Variants in PCDHGB5 observed in about 807,000 individuals in gnomAD.
The protein encoded by PCDHGB5 is protocadherin gamma-B5.
In PCDHGB5, 48 loss-of-function variants were observed where a neutral mutation model predicts 62.9. The ratio of observed to expected loss-of-function variants is 0.76; its 90% CI spans 0.61 to 0.97. PCDHGB5 has a LOEUF of 0.97. Among genes scored for constraint, PCDHGB5 ranks in the 50% least tolerant of loss-of-function variants. The probability of loss-of-function intolerance (pLI) is 0.00; values close to 1 mark genes in which losing one functional copy is unlikely to be tolerated. For synonymous variants in PCDHGB5, 474 were observed against 511.2 expected, an observed-to-expected ratio of 0.93 and a Z score of 0.98; for missense variants, 1,118 against 1,198.6, an observed-to-expected ratio of 0.93 and a Z score of 0.99.
intron 1 of PCDHGB5, among the ~76,000 whole-genome samples, chr5:141,455,913 T>C (rs2098837234): frequency 7.2e-6 from 1 of 138,032 alleles, no homozygotes; most frequent in African/African-American, 2.7e-5. Context: ...ATTTATTTAT[T>C]TTGAGACGGA....
chr5:141,497,218 GA>G (rs1172998466), intron 2 of PCDHGB5, among the ~76,000 whole-genome samples: 1 of 149,792 alleles, frequency 6.7e-6, no homozygotes, highest in Non-Finnish European at 1.5e-5. Flanking sequence ...ATGGGGGGGG[GA>G]AGATCAGAGA....
At chr5:141,419,172 T>A in intron 1 of PCDHGB5, 1 of 1,613,914 alleles carries the variant, frequency 6.2e-7, no homozygotes, top group Non-Finnish European at 8.5e-7. Context: ...AGCAAAACCA[T>A]AACCCTGCAC....
At position 141,493,482 on chromosome 5, in the gene PCDHGB5, G is replaced by A. The variant is rs184736387; in HGVS notation, c.2398-1325G>A. ...TTTTAGGACCTTACATGTGGGGAAA[G>A]TCTTCTGTGGCTCCTCATTTCTGAG... On this transcript the variant is annotated intron_variant, in intron 1 of 3. Coordinates refer to ENST00000617380, the MANE Select transcript of PCDHGB5 (RefSeq NM_018925.3). This position sits in a 1 kb window ranked among gnomAD's most constrained non-coding sequence, Gnocchi z 4.3. Among the ~76,000 whole-genome samples the A allele has an allele frequency of 1.5e-3, 229 of 152,324 alleles. No homozygotes were observed. Among genetic ancestry groups the A allele is most frequent in the Non-Finnish European group, 2.2e-3 (147 of 68,030 alleles).
chr5:141,421,389 G>T (rs200646513), intron 1 of PCDHGB5: 1 of 1,613,934 alleles, frequency 6.2e-7, no homozygotes, highest in African/African-American at 1.3e-5. Context: ...AGGACCTGGG[G>T]CTGGAGCCCC....
chr5:141,414,310 G>C, intron 1 of PCDHGB5: 1 of 1,613,722 alleles, frequency 6.2e-7, no homozygotes, highest in Non-Finnish European at 8.5e-7. Context: ...GCATGATTTA[G>C]ACTCTGAGCA....
At chr5:141,483,242 C>T (rs2099578681) in intron 1 of PCDHGB5, among the ~76,000 whole-genome samples, 1 of 151,558 alleles carries the variant, frequency 6.6e-6, no homozygotes, top group African/African-American at 2.4e-5. Flanking sequence ...AACTGATATG[C>T]ATATATCATG....
At chr5:141,443,166 C>G (rs914863821) in intron 1 of PCDHGB5, among the ~76,000 whole-genome samples, 1 of 152,124 alleles carries the variant, frequency 6.6e-6, no homozygotes, top group African/African-American at 2.4e-5. Flanking sequence ...ATTTCCCTAC[C>G]CATGTCCACT....
chr5:141,496,164 C>A (rs745320704), intron 2 of PCDHGB5, among the ~76,000 whole-genome samples: 1 of 152,084 alleles, frequency 6.6e-6, no homozygotes, highest in East Asian at 1.9e-4. Flanking sequence ...CCACCAGACA[C>A]CCTCCCATCC....
intron 1 of PCDHGB5, chr5:141,403,562 G>A (rs2094421705): frequency 6.2e-7 from 1 of 1,613,980 alleles, no homozygotes; most frequent in Non-Finnish European, 8.5e-7. Context: ...GGACAGGGAG[G>A]AGGCAACTGC....
At chr5:141,414,174 A>C in intron 1 of PCDHGB5, 1 of 1,607,520 alleles carries the variant, frequency 6.2e-7, no homozygotes, top group Non-Finnish European at 8.5e-7. Context: ...CATATCTTGC[A>C]ACTGCAAAAG....
At position 141,489,871 on chromosome 5, in the gene PCDHGB5, G is replaced by C; in HGVS notation, c.2398-4936G>C. ...TGAAGCCCAGGCAAGACATCAGCTGGTGCTTACTGCTGTGGATGGGGGGAC... is the reference window on the plus strand; with the variant it reads ...TGAAGCCCAGGCAAGACATCAGCTGCTGCTTACTGCTGTGGATGGGGGGAC... On this transcript the variant is annotated intron_variant, in intron 1 of 3. Coordinates refer to ENST00000617380, the MANE Select transcript of PCDHGB5 (RefSeq NM_018925.3). The surrounding 1 kb of genome is among the most constrained non-coding windows in gnomAD (Gnocchi z 4.5). 1 of 1,614,206 alleles carries C rather than the reference G, an allele frequency of 6.2e-7. No individual in the cohort carries two copies.
chr5:141,398,266 G>A lies in PCDHGB5; in HGVS notation c.139G>A (p.Val47Met). Residue 47 changes from valine to methionine, a missense_variant, in exon 1 of 4, where the codon GTG becomes ATG. Physicochemically the swap from Val to Met is conservative, Grantham distance 21 (BLOSUM62 1). Transcript: ENST00000617380. ...IPEEMPKGSV[V>M]GNLATDLGFS... The stretch of plus-strand genomic sequence containing the variant: ...CGAGGAAATGCCCAAGGGCTCCGTA[G>A]TGGGGAACCTCGCCACGGACCTGGG... 2 of 1,439,368 alleles carry A rather than the reference G, an allele frequency of 1.4e-6. No individual in the cohort carries two copies. Among genetic ancestry groups the A allele is most frequent in the Non-Finnish European group, 1.9e-6 (2 of 1,057,076 alleles). 89.2% of individuals were successfully genotyped at this position (1,439,368 alleles called of 1,614,324 possible).
chr5:141,447,742 T>G (rs1440015460), intron 1 of PCDHGB5, among the ~76,000 whole-genome samples: 3 of 152,056 alleles, frequency 2.0e-5, no homozygotes, highest in Non-Finnish European at 4.4e-5. Flanking sequence ...AACTTAAGAG[T>G]CTTGCATGTG....
rs1228384684 is a variant in PCDHGB5 at position 141,432,189 on chromosome 5, A to G, written c.2397+31665A>G. On this transcript the variant is annotated intron_variant, in intron 1 of 3. Coordinates refer to ENST00000617380, the MANE Select transcript of PCDHGB5 (RefSeq NM_018925.3). This position sits in a 1 kb window ranked among gnomAD's most constrained non-coding sequence, Gnocchi z 6.0. The stretch of plus-strand genomic sequence containing the variant: ...GTTTCCCTCGTCTCTGTGACCGCCC[A>G]CGACCCCGACTGTGAAGAGAACGCC... 6.2e-6 allele frequency: 10 copies of G among 1,613,964 alleles called. No homozygotes were observed. Among genetic ancestry groups the G allele is most frequent in the African/African-American group, 1.3e-5 (1 of 74,878 alleles).
At position 141,431,556 on chromosome 5, in the gene PCDHGB5, C is replaced by G. The variant is rs1561853752; in HGVS notation, c.2397+31032C>G. ...GGCACGCAGCTGCTTGTAGTCAACGCTACCGACCCTGACGAAGGAGTCAAT... is the reference window on the plus strand; with the variant it reads ...GGCACGCAGCTGCTTGTAGTCAACGGTACCGACCCTGACGAAGGAGTCAAT... On this transcript the variant is annotated intron_variant, in intron 1 of 3. Transcript: ENST00000617380. The surrounding 1 kb of genome is among the most constrained non-coding windows in gnomAD (Gnocchi z 4.8). 3 of 1,614,138 alleles carry G rather than the reference C, an allele frequency of 1.9e-6. No individual in the cohort carries two copies. The highest frequency in any genetic ancestry group is 2.5e-6 in the Non-Finnish European group (3 of 1,180,022).
intron 2 of PCDHGB5, among the ~76,000 whole-genome samples, chr5:141,497,578 T>C (rs2099778035): frequency 1.3e-5 from 2 of 150,806 alleles, no homozygotes; most frequent in South Asian, 4.2e-4. Context: ...CTTGCTCTGT[T>C]GCCCAAGCTG....
chr5:141,451,813 G>A (rs921877961), intron 1 of PCDHGB5, among the ~76,000 whole-genome samples: 13 of 150,788 alleles, frequency 8.6e-5, no homozygotes, highest in East Asian at 2.0e-4. Context: ...CCCAGGAGGC[G>A]GAGGTTACAG....
At chr5:141,422,149 C>G in intron 1 of PCDHGB5, 1 of 1,577,238 alleles carries the variant, frequency 6.3e-7, no homozygotes. Context: ...ACGGGGGTCT[C>G]TGGATTTTGA....
intron 1 of PCDHGB5, among the ~76,000 whole-genome samples, chr5:141,450,379 A>C (rs1269979263): frequency 6.6e-6 from 1 of 152,144 alleles, no homozygotes; most frequent in Non-Finnish European, 1.5e-5. Flanking sequence ...GTTTATATGA[A>C]ACTGACATTT....
Sources: allele counts gnomAD v4.1 joint callset (sites outside exome capture counted in the v4.1 genomes callset), GRCh38; gene constraint gnomAD v4.1.1; non-coding constraint Gnocchi (gnomAD v3.1); transcripts MANE v1.5; gene names NCBI Gene and HGNC (gene_info 2026-07-23, HGNC 2026-07-21).